The following FHIT variants were observed in gnomAD, a reference collection of about 807,000 sequenced individuals.
FHIT encodes fragile histidine triad diadenosine triphosphatase.
FHIT carries 19 observed loss-of-function variants against 17.9 expected under a neutral mutation model. The observed-to-expected ratio is 1.06, with a 90% CI of 0.74 to 1.56. The LOEUF (loss-of-function observed/expected upper bound fraction) is 1.56, where lower values mean the gene tolerates loss of function less well. Ranked by LOEUF, FHIT falls within the 40% of genes most tolerant of loss-of-function variation. The pLI is 0.00. For missense variants in FHIT, 248 were observed against 189.2 expected (o/e 1.31, Z -1.82); for synonymous variants, 81 against 69.7 (o/e 1.16, Z -0.81).
intron 1 of FHIT, among the ~76,000 whole-genome samples, chr3:61,247,203 T>A (rs527490577): frequency 6.6e-6 from 1 of 152,244 alleles, no homozygotes; most frequent in South Asian, 2.1e-4. Flanking sequence ...CTCCGCTGTT[T>A]CCTTTGTCCT....
chr3:60,161,094 T>C (rs1223514759), intron 5 of FHIT, among the ~76,000 whole-genome samples: 2 of 152,236 alleles, frequency 1.3e-5, no homozygotes, highest in African/African-American at 2.4e-5. Context: ...CCTTCAGCCA[T>C]ATACCTCCTA....
intron 5 of FHIT, among the ~76,000 whole-genome samples, chr3:60,448,072 C>T (rs1045068591): frequency 6.6e-6 from 1 of 152,132 alleles, no homozygotes; most frequent in Non-Finnish European, 1.5e-5. Context: ...AGCTCAAGAA[C>T]GTAGCAGAAG....
At chr3:59,780,433 G>A (rs376443380) in intron 8 of FHIT, among the ~76,000 whole-genome samples, 52 of 152,326 alleles carry the variant, frequency 3.4e-4, no homozygotes, top group African/African-American at 1.2e-3. Context: ...CCTTCTCTAT[G>A]TACAGGAATG....
chr3:60,508,451 C>G (rs1281020831), intron 5 of FHIT, among the ~76,000 whole-genome samples: 2 of 152,082 alleles, frequency 1.3e-5, no homozygotes, highest in African/African-American at 4.8e-5. Context: ...CAGGTGGAAA[C>G]TGTTATTACT....
intron 5 of FHIT, among the ~76,000 whole-genome samples, chr3:60,091,134 A>G (rs375357540): frequency 1.3e-5 from 2 of 152,310 alleles, no homozygotes; most frequent in Admixed American, 6.5e-5. Context: ...AACTACAAGT[A>G]ATTCAACTGA....
At chr3:60,061,388 C>T (rs17061982) in intron 5 of FHIT, among the ~76,000 whole-genome samples, 1 of 152,192 alleles carries the variant, frequency 6.6e-6, no homozygotes, top group African/African-American at 2.4e-5. Context: ...CTCTGGTTTG[C>T]GTCTTACTGC....
In FHIT at chr3:60,527,196, T is replaced by C. The variant is rs535030996; in HGVS notation, c.103+9664A>G. ...ATATGACTCCCTGAGAGATGGCTTC[T>C]AGAGTCATTTGGTCCCTAAACAGAA... On this transcript the variant is annotated intron_variant, in intron 5 of 9. Coordinates refer to ENST00000492590, the MANE Select transcript of FHIT (RefSeq NM_002012.4). Among the ~76,000 whole-genome samples the C allele has an allele frequency of 2.6e-5, 4 of 152,342 alleles. No homozygotes were observed. In the East Asian group the frequency reaches 7.7e-4, roughly 29 times the overall value.
chr3:60,335,557 G>A (rs1334322310), intron 5 of FHIT, among the ~76,000 whole-genome samples: 2 of 152,140 alleles, frequency 1.3e-5, no homozygotes, highest in African/African-American at 4.8e-5. Flanking sequence ...TACAGTGTAT[G>A]CGGTTCAGGA....
At chr3:60,753,515 C>T (rs2042511005) in intron 4 of FHIT, among the ~76,000 whole-genome samples, 1 of 152,206 alleles carries the variant, frequency 6.6e-6, no homozygotes, top group South Asian at 2.1e-4. Flanking sequence ...ATCCACTCTC[C>T]AATTTCATTT....
At chr3:59,967,045 T>C (rs937966391) in intron 7 of FHIT, among the ~76,000 whole-genome samples, 4 of 151,718 alleles carry the variant, frequency 2.6e-5, no homozygotes, top group African/African-American at 9.7e-5. Context: ...TACACTTTTG[T>C]GTTAAAAACC....
intron 5 of FHIT, among the ~76,000 whole-genome samples, chr3:60,515,813 A>G (rs1306129077): frequency 1.3e-5 from 2 of 152,232 alleles, no homozygotes; most frequent in Non-Finnish European, 2.9e-5. Flanking sequence ...CATTTGAAGC[A>G]TAAGGTAACT....
chr3:60,491,150 G>A (rs1039331795), intron 5 of FHIT, among the ~76,000 whole-genome samples: 1 of 152,056 alleles, frequency 6.6e-6, no homozygotes, highest in Non-Finnish European at 1.5e-5. Flanking sequence ...AGATCTGAAA[G>A]GTAAACAATA....
intron 4 of FHIT, among the ~76,000 whole-genome samples, chr3:60,570,589 C>A (rs1434853748): frequency 3.3e-5 from 5 of 152,112 alleles, no homozygotes; most frequent in Non-Finnish European, 7.3e-5. Context: ...TCTTTTCCCA[C>A]TGAAGTCACA....
In FHIT at chr3:59,984,394, T is replaced by TC. The variant is rs1708795968; in HGVS notation, c.279+26976_279+26977insG. ...TCAAGCAATTGGGGCTCAAATCCAC[T>TC]GGGGGGGGCTCTGGAAGACAGCGTG... On this transcript the variant is annotated intron_variant, in intron 7 of 9. Transcript: ENST00000492590. Among the ~76,000 whole-genome samples, 5 of 138,858 alleles carry TC rather than the reference T, an allele frequency of 3.6e-5. No individual in the cohort carries two copies. The South Asian group carries it at 6.7e-4, about 19-fold the overall frequency. The allele number at this position is 138,858 out of a possible 152,430, so 91.1% of individuals were successfully genotyped here.
At chr3:60,661,307 C>A (rs1243532729) in intron 4 of FHIT, among the ~76,000 whole-genome samples, 1 of 152,122 alleles carries the variant, frequency 6.6e-6, no homozygotes. Flanking sequence ...AGAATATTTG[C>A]TTTTCCATTC....
chr3:60,690,317 C>T (rs1316848855), intron 4 of FHIT: 1 of 564,662 alleles, frequency 1.8e-6, no homozygotes, highest in Admixed American at 1.9e-5. Flanking sequence ...ATATCCATGC[C>T]TTCTTTCACC....
At chr3:60,452,290 C>T (rs576107016) in intron 5 of FHIT, among the ~76,000 whole-genome samples, 2 of 152,226 alleles carry the variant, frequency 1.3e-5, no homozygotes, top group Non-Finnish European at 2.9e-5. Context: ...CCAAGCGATT[C>T]ATATGCTTTA....
chr3:60,220,103 A>G (rs540882427), intron 5 of FHIT, among the ~76,000 whole-genome samples: 1 of 152,276 alleles, frequency 6.6e-6, no homozygotes, highest in Admixed American at 6.5e-5. Context: ...CTAAATTTCT[A>G]TCAATAGGTA....
At chr3:60,477,463 T>C (rs139023599) in intron 5 of FHIT, among the ~76,000 whole-genome samples, 380 of 152,314 alleles carry the variant, frequency 2.5e-3, no homozygotes, top group African/African-American at 8.7e-3. Context: ...ACATCATTAC[T>C]AGCTTATGCA....
Sources: allele counts gnomAD v4.1 joint callset (sites outside exome capture counted in the v4.1 genomes callset), GRCh38; gene constraint gnomAD v4.1.1; transcripts MANE v1.5; gene names NCBI Gene and HGNC (gene_info 2026-07-23, HGNC 2026-07-21).